The following REXO5 variants were observed in gnomAD, a reference collection of about 807,000 sequenced individuals.
REXO5 encodes the protein exonuclease NEF-sp.
REXO5 carries 48 observed loss-of-function variants against 88.5 expected under a neutral mutation model. The observed-to-expected ratio is 0.54, with a 90% CI of 0.43 to 0.69. The LOEUF (loss-of-function observed/expected upper bound fraction) is 0.69, where lower values mean the gene tolerates loss of function less well. Ranked by LOEUF, REXO5 falls within the 30% of genes least tolerant of loss-of-function variation. REXO5 has a pLI of 0.00. For synonymous variants in REXO5, 311 were observed against 336.5 expected (o/e 0.92, Z 0.83); for missense variants, 749 against 912.2 (o/e 0.82, Z 2.30).
At chr16:20,833,198 G>A (rs1347570635) in intron 13 of REXO5, 75 bp downstream of exon 13, 9 of 1,456,384 alleles carry the variant, frequency 6.2e-6, no homozygotes, top group Non-Finnish European at 8.3e-6. Flanking sequence ...CCATGCCAGT[G>A]TCAAGCTTTT....
chr16:20,823,384 T>G (rs766974167), intron 6 of REXO5: 21 of 152,234 alleles, frequency 1.4e-4, no homozygotes, highest in Admixed American at 2.6e-4. Context: ...ATATATGAAC[T>G]AAATTTTAAC....
At chr16:20,816,394 C>T (rs1314851119) in intron 5 of REXO5, among the ~76,000 whole-genome samples, 182 bp downstream of exon 5, 1 of 152,148 alleles carries the variant, frequency 6.6e-6, no homozygotes. Context: ...CGTGATCACA[C>T]GGCTCACTGC....
intron 9 of REXO5, 54 bp downstream of exon 9, chr16:20,827,250 A>G: frequency 6.2e-7 from 1 of 1,610,432 alleles, no homozygotes; most frequent in Non-Finnish European, 8.5e-7. Context: ...TGTTCCATTT[A>G]TCTCAAATCT....
At chr16:20,811,646 C>G (rs965596494) in intron 2 of REXO5, among the ~76,000 whole-genome samples, 2 of 152,148 alleles carry the variant, frequency 1.3e-5, no homozygotes, top group African/African-American at 2.4e-5. Context: ...TTATCTGTCT[C>G]TCCAATTTAT....
intron 5 of REXO5, among the ~76,000 whole-genome samples, chr16:20,820,533 T>C (rs1334433453): frequency 3.5e-4 from 5 of 14,118 alleles, no homozygotes; most frequent in Admixed American, 2.8e-3. Flanking sequence ...TATATATATA[T>C]ATATATATAT....
chr16:20,808,470 T>A (rs529389668), intron 2 of REXO5, among the ~76,000 whole-genome samples: 2 of 152,216 alleles, frequency 1.3e-5, no homozygotes, highest in South Asian at 4.1e-4. Flanking sequence ...TTTTATTGTC[T>A]GCCATGTGCT....
chr16:20,829,173 C>T (rs1437958076), intron 11 of REXO5, among the ~76,000 whole-genome samples: 1 of 151,986 alleles, frequency 6.6e-6, no homozygotes, highest in Non-Finnish European at 1.5e-5. Flanking sequence ...GTTTTTGGAT[C>T]TATAATATGG....
chr16:20,806,440 T>G (rs368032622), upstream of REXO5: 19 of 1,552,744 alleles, frequency 1.2e-5, no homozygotes, highest in Non-Finnish European at 1.6e-5. Context: ...TTCCCGACAC[T>G]CCTTGCTTTT....
chr16:20,838,199 C>CT (rs959626379), intron 13 of REXO5, among the ~76,000 whole-genome samples: 1 of 151,992 alleles, frequency 6.6e-6, no homozygotes, highest in African/African-American at 2.4e-5. Context: ...GTTTTTTCTT[C>CT]TTTTTTTGTG....
intron 16 of REXO5, 38 bp from the exon 17 acceptor site, chr16:20,844,591 T>G (rs560063828): frequency 2.5e-6 from 4 of 1,588,718 alleles, no homozygotes; most frequent in Non-Finnish European, 3.5e-6. Context: ...GAGGATTAAA[T>G]TGATTTTCTA....
At chr16:20,808,307 C>T (rs1169851746) in intron 2 of REXO5, among the ~76,000 whole-genome samples, 1 of 152,134 alleles carries the variant, frequency 6.6e-6, no homozygotes, top group African/African-American at 2.4e-5. Flanking sequence ...TCATTCATCC[C>T]TTCAGTCGTT....
chr16:20,822,720 C>G (rs745343020), intron 6 of REXO5, among the ~76,000 whole-genome samples: 6 of 152,212 alleles, frequency 3.9e-5, no homozygotes, highest in Non-Finnish European at 7.3e-5. Flanking sequence ...CAAGCTTCAT[C>G]CATGTTGTAG....
At chr16:20,820,251 A>G (rs1237634516) in intron 5 of REXO5, among the ~76,000 whole-genome samples, 1 of 152,008 alleles carries the variant, frequency 6.6e-6, no homozygotes, top group Non-Finnish European at 1.5e-5. Context: ...TTACTGGTCT[A>G]CTGACAAACC....
At chr16:20,840,583 G>C in intron 15 of REXO5, 115 bp downstream of exon 15, 9 of 885,708 alleles carry the variant, frequency 1.0e-5, no homozygotes, top group Non-Finnish European at 1.5e-5. Flanking sequence ...CTACCAACTG[G>C]AGTGTGAGAC....
intron 5 of REXO5, among the ~76,000 whole-genome samples, chr16:20,818,638 T>G (rs1475976428): frequency 1.3e-5 from 2 of 152,100 alleles, no homozygotes; most frequent in African/African-American, 4.8e-5. Flanking sequence ...ACCAGCTAAT[T>G]TTTGTATTTT....
intron 8 of REXO5, among the ~76,000 whole-genome samples, chr16:20,826,581 G>A (rs1201918388): frequency 6.6e-6 from 1 of 152,200 alleles, no homozygotes; most frequent in Non-Finnish European, 1.5e-5. Context: ...GAACAGTCAC[G>A]TGTGGCAAAG....
At position 20,806,540 on chromosome 16, in the gene REXO5, G is replaced by A; in HGVS notation, c.-168G>A. 1 of 1,524,722 alleles carries A rather than the reference G, an allele frequency of 6.6e-7. No homozygotes were observed. The highest frequency in any genetic ancestry group is 8.8e-7 in the Non-Finnish European group (1 of 1,137,536). 94.4% of individuals were successfully genotyped at this position (1,524,722 alleles called of 1,614,324 possible). On this transcript the variant is annotated 5_prime_UTR_variant, in exon 1 of 20. The change creates a new upstream start codon in the 5' untranslated region. Transcript: ENST00000261377. ...TGAGGGGCGGTTGTTGTTGGCAGCT[G>A]TGGCTAAGGAGGGGAGAACCTCTGC...
At chr16:20,819,447 CTTTTT>C (rs35337424) in intron 5 of REXO5, among the ~76,000 whole-genome samples, 1 of 123,456 alleles carries the variant, frequency 8.1e-6, no homozygotes, top group African/African-American at 3.0e-5. Flanking sequence ...TTCTTTCCTC[CTTTTT>C]TTTTTTTTTT....
At chr16:20,833,557 T>C (rs1468514121) in intron 13 of REXO5, among the ~76,000 whole-genome samples, 2 of 152,356 alleles carry the variant, frequency 1.3e-5, no homozygotes, top group East Asian at 1.9e-4. Context: ...ATTTTGTTTG[T>C]AAATAATTTC....
Sources: allele counts gnomAD v4.1 joint callset (sites outside exome capture counted in the v4.1 genomes callset), GRCh38; gene constraint gnomAD v4.1.1; transcripts MANE v1.5; gene names NCBI Gene and HGNC (gene_info 2026-07-23, HGNC 2026-07-21).